The following GALNT15 variants were observed in gnomAD, a reference collection of about 807,000 sequenced individuals.
GALNT15 encodes the protein polypeptide N-acetylgalactosaminyltransferase 15, also known as UDP-GalNAc transferase T15.
In GALNT15, 67 loss-of-function variants were observed where a neutral mutation model predicts 66.8. The observed-to-expected ratio is 1.00, with a 90% CI of 0.82 to 1.23. The LOEUF (loss-of-function observed/expected upper bound fraction) is 1.23. Among genes scored for constraint, GALNT15 ranks in the 50% most tolerant of loss-of-function variants. The probability of loss-of-function intolerance (pLI) is 0.00; values close to 1 mark genes in which losing one functional copy is unlikely to be tolerated. For missense variants in GALNT15, 827 were observed against 804.3 expected (o/e 1.03, Z -0.34); for synonymous variants, 313 against 311.5 (o/e 1.00, Z -0.05).
downstream of GALNT15, among the ~76,000 whole-genome samples, chr3:16,233,113 T>TTTTTTTTTTTTTTTTTTTTTTTTTTTTAG: frequency 7.2e-6 from 1 of 139,348 alleles, no homozygotes; most frequent in Admixed American, 7.2e-5. Flanking sequence ...TTTTTTTTTT[T>TTTTTTTTTTTTTTTTTTTTTTTTTTTTAG]GAAACGGAGT....
chr3:16,236,567 A>G (rs990130906), downstream of GALNT15, among the ~76,000 whole-genome samples: 9 of 152,266 alleles, frequency 5.9e-5, no homozygotes, highest in African/African-American at 2.2e-4. Context: ...AAAAATAAAC[A>G]GAGAAATATT....
At chr3:16,236,953 C>A (rs1559699717), downstream of GALNT15, among the ~76,000 whole-genome samples, 1 of 152,172 alleles carries the variant, frequency 6.6e-6, no homozygotes, top group Non-Finnish European at 1.5e-5. Flanking sequence ...TTAGCCAAGC[C>A]AAAGTGATTA....
downstream of GALNT15, among the ~76,000 whole-genome samples, chr3:16,233,063 A>ATTTGATCC (rs1377835248): frequency 7.8e-6 from 1 of 128,110 alleles, no homozygotes; most frequent in Non-Finnish European, 1.7e-5. Context: ...TGGTAAGATG[A>ATTTGATCC]TTTGATCCTA....
chr3:16,200,532 A>G lies in GALNT15; in HGVS notation c.707-87A>G. On this transcript the variant is annotated intron_variant, in intron 2 of 9. Coordinates refer to ENST00000339732, the MANE Select transcript of GALNT15 (RefSeq NM_054110.5). This position sits in a 1 kb window ranked among gnomAD's most constrained non-coding sequence, Gnocchi z 4.4. ...ACCCAGGTGCTCACCACAGCTTCCA[A>G]AAGAGAGTTGCTGACGATTGTCTTA... 2 of 1,125,104 alleles carry G rather than the reference A, an allele frequency of 1.8e-6. No individual in the cohort carries two copies. Among genetic ancestry groups the G allele is most frequent in the East Asian group, 2.8e-5 (1 of 35,846 alleles). The allele number at this position is 1,125,104 out of a possible 1,614,324, so 69.7% of individuals were successfully genotyped here. A position where few individuals can be genotyped will look rare whatever the true frequency, so the allele number is the denominator to read the frequency against.
chr3:16,234,323 CT>C (rs1004382437), downstream of GALNT15, among the ~76,000 whole-genome samples: 28 of 147,352 alleles, frequency 1.9e-4, no homozygotes, highest in Non-Finnish European at 2.0e-4. Flanking sequence ...ACCTGGGTTT[CT>C]TTTTTTTTTT....
intron 1 of GALNT15, among the ~76,000 whole-genome samples, chr3:16,179,024 G>A (rs1456774394): frequency 6.6e-6 from 1 of 152,230 alleles, no homozygotes; most frequent in African/African-American, 2.4e-5. Flanking sequence ...TACCTTTAGA[G>A]TCATTTCTGG....
intron 1 of GALNT15, among the ~76,000 whole-genome samples, chr3:16,179,793 G>A (rs546079874): frequency 2.7e-4 from 41 of 152,306 alleles, no homozygotes; most frequent in African/African-American, 9.9e-4. Flanking sequence ...GGGCAGAGGT[G>A]GGGATAAAAC....
At chr3:16,192,949 T>C (rs1032303097) in intron 1 of GALNT15, among the ~76,000 whole-genome samples, 2 of 152,260 alleles carry the variant, frequency 1.3e-5, no homozygotes, top group Admixed American at 6.5e-5. Context: ...ATTTTCTCTT[T>C]AAAACTAATA....
At chr3:16,236,687 T>C (rs1252190305), downstream of GALNT15, among the ~76,000 whole-genome samples, 2 of 152,236 alleles carry the variant, frequency 1.3e-5, no homozygotes, top group Non-Finnish European at 2.9e-5. Flanking sequence ...GTGTATAGCA[T>C]ATGTTCTCAT....
rs1390915616 is a variant in GALNT15, at chr3:16,198,359, A to C, written c.707-2260A>C. Among the ~76,000 whole-genome samples, 2 of 142,570 alleles carry C rather than the reference A, an allele frequency of 1.4e-5. 1 individual carries two copies. The highest frequency in any genetic ancestry group is 3.1e-5 in the Non-Finnish European group (2 of 64,362). 93.5% of individuals were successfully genotyped at this position (142,570 alleles called of 152,430 possible). A position where few individuals can be genotyped will look rare whatever the true frequency, so the allele number is the denominator to read the frequency against. On this transcript the variant is annotated intron_variant, in intron 2 of 9. Transcript: ENST00000339732. ...CCGGTTTGTGCTCTTCGGAAAAAAAAAATTAGTAAAATAATAGTTTTCCCA... is the reference window on the plus strand; with the variant it reads ...CCGGTTTGTGCTCTTCGGAAAAAAACAATTAGTAAAATAATAGTTTTCCCA...
intron 2 of GALNT15, among the ~76,000 whole-genome samples, chr3:16,198,925 C>T (rs2063669572): frequency 7.0e-6 from 1 of 142,296 alleles, no homozygotes; most frequent in Admixed American, 7.1e-5. Flanking sequence ...CAGTTAAGGC[C>T]ACCTCTGGGC....
At chr3:16,201,333 C>T (rs998100375) in intron 3 of GALNT15, among the ~76,000 whole-genome samples, 26 of 152,128 alleles carry the variant, frequency 1.7e-4, no homozygotes, top group East Asian at 9.6e-4. Context: ...AGGCGCCCGC[C>T]ACCACACCCG....
intron 1 of GALNT15, among the ~76,000 whole-genome samples, chr3:16,190,599 C>G (rs952505450): frequency 1.4e-5 from 2 of 141,454 alleles, no homozygotes; most frequent in Non-Finnish European, 3.0e-5. Context: ...GATCGCGCCA[C>G]TGCACTCCAG....
Position 16,228,001 on chromosome 3 carries a change from T to A in GALNT15, c.*501T>A. 2.0e-6 allele frequency: 2 copies of A among 988,766 alleles called. No homozygotes were observed. The highest frequency in any genetic ancestry group is 1.7e-5 in the African/African-American group (1 of 57,364). The allele number at this position is 988,766 out of a possible 1,614,324, so 61.2% of individuals were successfully genotyped here. On this transcript the variant is annotated 3_prime_UTR_variant, in exon 10 of 10. Coordinates refer to ENST00000339732, the MANE Select transcript of GALNT15 (RefSeq NM_054110.5). ...TTATTAGCACAAATGTTGTGTTCAT[T>A]TGTTGAGCCATATCTCAGAAGAAGG...
chr3:16,183,252 C>G lies in GALNT15; in HGVS notation c.539+7562C>G, dbSNP rs895242021. The G allele has an allele frequency of 2.0e-5, 3 of 152,286 alleles. No individual in the cohort carries two copies. The highest frequency in any genetic ancestry group is 7.2e-5 in the African/African-American group (3 of 41,460). The allele number at this position is 152,286 out of a possible 1,614,324, so 9.4% of individuals were successfully genotyped here. A position where few individuals can be genotyped will look rare whatever the true frequency, so the allele number is the denominator to read the frequency against. The stretch of plus-strand genomic sequence containing the variant: ...AGAATGACAGGCTGGCAGAATCAGC[C>G]TCCACTGCAGACTCCAGCCCTTTCC... On this transcript the variant is annotated intron_variant, in intron 1 of 9. Coordinates refer to ENST00000339732, the MANE Select transcript of GALNT15 (RefSeq NM_054110.5). The surrounding 1 kb of genome is among the most constrained non-coding windows in gnomAD (Gnocchi z 5.2).
At chr3:16,177,061 C>T (rs751653842) in intron 1 of GALNT15, among the ~76,000 whole-genome samples, 1 of 152,174 alleles carries the variant, frequency 6.6e-6, no homozygotes, top group African/African-American at 2.4e-5. Context: ...TAACTCACAG[C>T]ACTTACAAAA....
At position 16,180,142 on chromosome 3, in the gene GALNT15, C is replaced by T. The variant is rs957975246; in HGVS notation, c.539+4452C>T. The stretch of plus-strand genomic sequence containing the variant: ...TACAGATTCCTGGCCTCCATTCCTC[C>T]AGTTTCTGATTCAGTGGGTGTGAAG... On this transcript the variant is annotated intron_variant, in intron 1 of 9. Transcript: ENST00000339732. This position sits in a 1 kb window ranked among gnomAD's most constrained non-coding sequence, Gnocchi z 5.0. Among the ~76,000 whole-genome samples the T allele has an allele frequency of 4.6e-5, 7 of 152,320 alleles. No individual in the cohort carries two copies. Among genetic ancestry groups the T allele is most frequent in the Middle Eastern group, 3.4e-3 (1 of 294 alleles).
chr3:16,235,200 G>C (rs142885125), downstream of GALNT15, among the ~76,000 whole-genome samples: 36 of 152,260 alleles, frequency 2.4e-4, no homozygotes, highest in East Asian at 6.9e-3. Context: ...TGGGATTACA[G>C]GTGTGAGCCA....
rs1281259087 is a variant in GALNT15 at position 16,175,877 on chromosome 3, T to C, written c.539+187T>C. Among the ~76,000 whole-genome samples, 1 of 152,216 alleles carries C rather than the reference T, an allele frequency of 6.6e-6. No individual in the cohort carries two copies. Among genetic ancestry groups the C allele is most frequent in the Non-Finnish European group, 1.5e-5 (1 of 68,030 alleles). ...GGTGGGTTCTCAGAAATGCAGATTC[T>C]CAGACCCCATCCCAGACCTGCCAAA... On this transcript the variant is annotated intron_variant, in intron 1 of 9. Transcript: ENST00000339732. This position sits in a 1 kb window ranked among gnomAD's most constrained non-coding sequence, Gnocchi z 5.6.
Sources: gnomAD v4.1 joint callset for allele counts (sites outside exome capture counted in the v4.1 genomes callset) on GRCh38, gnomAD v4.1.1 for gene constraint, Gnocchi (gnomAD v3.1) non-coding constraint, MANE v1.5 for transcripts, NCBI Gene and HGNC (gene_info 2026-07-23, HGNC 2026-07-21) for gene names.